Variants in PCGF5 observed in about 807,000 individuals in gnomAD.
PCGF5 encodes the protein polycomb group RING finger protein 5.
In PCGF5, 9 loss-of-function variants were observed where a neutral mutation model predicts 44.3. The ratio of observed to expected loss-of-function variants is 0.20; its 90% CI spans 0.12 to 0.35. The LOEUF (loss-of-function observed/expected upper bound fraction) is 0.35. PCGF5 is among the 10% of genes least tolerant of loss of function. The probability of loss-of-function intolerance (pLI) is 1.00; values close to 1 mark genes in which losing one functional copy is unlikely to be tolerated. For synonymous variants in PCGF5, 95 were observed against 102.5 expected (o/e 0.93, Z 0.44); for missense variants, 146 against 305.3 (o/e 0.48, Z 3.89).
At chr10:91,247,239 T>G (rs1845490428) in intron 3 of PCGF5, among the ~76,000 whole-genome samples, 1 of 151,706 alleles carries the variant, frequency 6.6e-6, no homozygotes. Context: ...GACAACACTG[T>G]CAAACTGCTG....
intron 1 of PCGF5, among the ~76,000 whole-genome samples, chr10:91,198,300 G>A (rs1477810084): frequency 6.6e-6 from 1 of 152,098 alleles, no homozygotes; most frequent in African/African-American, 2.4e-5. Context: ...CCCCCTTGCT[G>A]GGGGAACCTT....
At chr10:91,181,986 T>C (rs1843826086) in intron 1 of PCGF5, among the ~76,000 whole-genome samples, 1 of 152,032 alleles carries the variant, frequency 6.6e-6, no homozygotes. Flanking sequence ...ATTGGTCTGT[T>C]CAGGAATTCA....
chr10:91,182,583 A>G (rs1437463358), intron 1 of PCGF5, among the ~76,000 whole-genome samples: 1 of 151,854 alleles, frequency 6.6e-6, no homozygotes, highest in Non-Finnish European at 1.5e-5. Context: ...CTTGTCTTCT[A>G]GCTTTGGGAT....
At chr10:91,250,094 C>A (rs557006254) in intron 5 of PCGF5, among the ~76,000 whole-genome samples, 1 of 152,064 alleles carries the variant, frequency 6.6e-6, no homozygotes, top group South Asian at 2.1e-4. Flanking sequence ...ATTGTTTCTC[C>A]CATTTTAAAG....
intron 6 of PCGF5, among the ~76,000 whole-genome samples, chr10:91,257,516 G>A (rs12245536): frequency 0.039 from 5,914 of 152,028 alleles, 371 homozygotes; most frequent in African/African-American, 0.13. Flanking sequence ...ACCACAGATA[G>A]TACCAAATAA....
rs1159457556 is a variant in PCGF5 at position 91,284,057 on chromosome 10, T to C, written c.*5741T>C. ...GTACAAGATATGTCTTTTGCAGAAA[T>C]AAAATGCTGCTTAGAGATTCTCCTT... On this transcript the variant is annotated 3_prime_UTR_variant, in exon 10 of 10. Transcript: ENST00000336126. 2.6e-5 allele frequency: 4 copies of C among 152,644 alleles called. No homozygotes were observed. The highest frequency in any genetic ancestry group is 5.9e-5 in the Non-Finnish European group (4 of 68,024). 9.5% of individuals were successfully genotyped at this position (152,644 alleles called of 1,614,324 possible).
Position 91,233,643 on chromosome 10 carries a change from A to T in PCGF5, c.113-6841A>T, listed in dbSNP as rs186185003. Reference sequence around the variant, plus strand: ...GAATTACAGCTATTCTGGATTTTTTAAATTAGTGTTAGTTTCACGTGTAAG... The same window carrying T: ...GAATTACAGCTATTCTGGATTTTTTTAATTAGTGTTAGTTTCACGTGTAAG... On this transcript the variant is annotated intron_variant, in intron 2 of 9. Transcript: ENST00000336126. 1.6e-3 allele frequency among the ~76,000 whole-genome samples: 244 copies of T among 152,342 alleles called. 1 individual carries two copies. Among genetic ancestry groups the T allele is most frequent in the African/African-American group, 5.7e-3 (239 of 41,582 alleles).
At chr10:91,252,922 C>A (rs1178310524) in intron 6 of PCGF5, among the ~76,000 whole-genome samples, 2 of 152,044 alleles carry the variant, frequency 1.3e-5, no homozygotes, top group Non-Finnish European at 2.9e-5. Context: ...TGACACTTTG[C>A]TATTCTAGTT....
At chr10:91,251,146 A>G in intron 5 of PCGF5, 146 bp from the exon 6 acceptor site, 1 of 514,086 alleles carries the variant, frequency 1.9e-6, no homozygotes, top group Non-Finnish European at 3.3e-6. Context: ...AGTTGGTTGG[A>G]ACATTTTAAA....
intron 1 of PCGF5, among the ~76,000 whole-genome samples, chr10:91,167,611 G>A (rs1843522927): frequency 6.6e-6 from 1 of 152,168 alleles, no homozygotes; most frequent in African/African-American, 2.4e-5. Context: ...GGAGCCTGGA[G>A]GCAGTATAAT....
chr10:91,167,053 T>C (rs568119500), intron 1 of PCGF5, among the ~76,000 whole-genome samples: 235 of 152,312 alleles, frequency 1.5e-3, no homozygotes, highest in African/African-American at 5.4e-3. Flanking sequence ...TAAAGAAATA[T>C]ACAGTTCTCC....
intron 1 of PCGF5, among the ~76,000 whole-genome samples, chr10:91,190,803 G>A (rs1040958560): frequency 6.6e-6 from 1 of 152,106 alleles, no homozygotes; most frequent in Non-Finnish European, 1.5e-5. Context: ...TCCTGTTATA[G>A]GTATTCAAAA....
intron 1 of PCGF5, among the ~76,000 whole-genome samples, chr10:91,193,717 A>AT (rs1032797193): frequency 3.9e-5 from 6 of 152,086 alleles, no homozygotes; most frequent in African/African-American, 1.2e-4. Context: ...ATTTGATGTA[A>AT]TTTTTTAAAG....
rs186661347 is a variant in PCGF5, at chr10:91,178,650, A to G, written c.-184+15569A>G. The stretch of plus-strand genomic sequence containing the variant: ...CCAGTCCTCCCACCTCGGCCTCCCA[A>G]AGTGCTGGGATTACAGGTGTGAGCC... On this transcript the variant is annotated intron_variant, in intron 1 of 9. Transcript: ENST00000614189. Among the ~76,000 whole-genome samples the G allele has an allele frequency of 1.7e-4, 26 of 152,134 alleles. No individual in the cohort carries two copies. The East Asian group carries it at 4.8e-3, about 28-fold the overall frequency.
At chr10:91,227,321 A>G (rs1490545107) in intron 2 of PCGF5, 2 of 916,422 alleles carry the variant, frequency 2.2e-6, no homozygotes, top group Admixed American at 4.6e-5. Flanking sequence ...TTTTTGGCTT[A>G]CGCTTTTCTT....
rs1413687228 is a variant in PCGF5 at position 91,282,162 on chromosome 10, A to T, written c.*3846A>T. 6.6e-6 allele frequency: 1 copy of T among 152,186 alleles called. No homozygotes were observed. The highest frequency in any genetic ancestry group is 1.5e-5 in the Non-Finnish European group (1 of 68,028). 9.4% of individuals were successfully genotyped at this position (152,186 alleles called of 1,614,324 possible). The stretch of plus-strand genomic sequence containing the variant: ...GCTTTCTCTATATTCAAAATATTTC[A>T]TAAGGACCTGTGGTTTTTTTCCCCT... On this transcript the variant is annotated 3_prime_UTR_variant, in exon 10 of 10. Coordinates refer to ENST00000336126, the MANE Select transcript of PCGF5 (RefSeq NM_032373.5).
At position 91,181,387 on chromosome 10, in the gene PCGF5, A is replaced by G. The variant is rs145226284; in HGVS notation, c.-184+18306A>G. On this transcript the variant is annotated intron_variant, in intron 1 of 9. Transcript: ENST00000614189. ...AATTGCCCTGGCCGGAACTTTGAAT[A>G]CTATGTTGAATAGGAGTAGCCAGAC... Among the ~76,000 whole-genome samples, 93 of 152,254 alleles carry G rather than the reference A, an allele frequency of 6.1e-4. No individual in the cohort carries two copies. In the East Asian group the frequency reaches 0.012, roughly 19 times the overall value.
chr10:91,163,613 G>C (rs942785146), intron 1 of PCGF5, among the ~76,000 whole-genome samples: 1 of 152,116 alleles, frequency 6.6e-6, no homozygotes, highest in African/African-American at 2.4e-5. Flanking sequence ...CGCTGGCTCG[G>C]GGCGCGAGCA....
At chr10:91,270,778 A>G (rs1431881825) in intron 8 of PCGF5, among the ~76,000 whole-genome samples, 1 of 152,038 alleles carries the variant, frequency 6.6e-6, no homozygotes, top group Non-Finnish European at 1.5e-5. Flanking sequence ...TATGTATTTA[A>G]TTTTTTCCAT....
Sources: allele counts gnomAD v4.1 joint callset (sites outside exome capture counted in the v4.1 genomes callset), GRCh38; gene constraint gnomAD v4.1.1; transcripts MANE v1.5; gene names NCBI Gene and HGNC (gene_info 2026-07-23, HGNC 2026-07-21).